Variants in DHX29 observed in about 807,000 individuals in gnomAD.
The protein encoded by DHX29 is DExH-box helicase 29.
Under a neutral mutation model 167.9 loss-of-function variants are expected in DHX29, and 79 were observed. That is an observed-to-expected ratio of 0.47 (90% CI 0.39 to 0.57). The LOEUF is 0.57. DHX29 is among the 20% of genes least tolerant of loss of function. DHX29 has a pLI of 0.00. For synonymous variants in DHX29, 530 were observed against 546.0 expected (o/e 0.97, Z 0.41); for missense variants, 1,347 against 1,593.4 (o/e 0.85, Z 2.63).
chr5:55,269,208 C>T (rs1036456346), intron 21 of DHX29, among the ~76,000 whole-genome samples: 8 of 148,790 alleles, frequency 5.4e-5, no homozygotes, highest in Non-Finnish European at 8.9e-5. Flanking sequence ...TGCACCATTG[C>T]TCCCCAGCCT....
In DHX29 at chr5:55,272,124, C is replaced by CA. The variant is rs745885177; in HGVS notation, c.2826dup (p.Val943CysfsTer5). On this transcript the variant is annotated frameshift_variant, in exon 18 of 27. Coordinates refer to ENST00000251636, the MANE Select transcript of DHX29 (RefSeq NM_019030.4). LOFTEE classifies it high-confidence loss of function. ...GTTCTTCCAGTATCAATTACAAATA[C>CA]AACATCAGGAATAGTGATACCCGTC... 1 of 1,581,942 alleles carries CA rather than the reference C, an allele frequency of 6.3e-7. No individual in the cohort carries two copies. Among genetic ancestry groups the CA allele is most frequent in the Admixed American group, 1.9e-5 (1 of 53,884 alleles).
Position 55,262,950 on chromosome 5 carries a change from A to G in DHX29, c.3526-18T>C. Reference sequence around the variant, plus strand: ...TTTACATCCTAGATTGGTTTATGTTAAAAACACAAATAATCAAATTGATTA... The same window carrying G: ...TTTACATCCTAGATTGGTTTATGTTGAAAACACAAATAATCAAATTGATTA... On this transcript the variant is annotated intron_variant, in intron 23 of 26. Transcript: ENST00000251636. The G allele has an allele frequency of 1.3e-6, 2 of 1,555,562 alleles. No individual in the cohort carries two copies. The highest frequency in any genetic ancestry group is 1.8e-6 in the Non-Finnish European group (2 of 1,135,732).
At chr5:55,270,760 G>A in intron 18 of DHX29, 54 bp from the exon 19 acceptor site, 2 of 1,427,350 alleles carry the variant, frequency 1.4e-6, no homozygotes, top group Non-Finnish European at 2.0e-6. Context: ...AGTCAAAATT[G>A]GAAAAAGCTG....
In DHX29 at chr5:55,294,058, C is replaced by G. The variant is rs780399238; in HGVS notation, c.739G>C (p.Glu247Gln). The G allele has an allele frequency of 9.9e-6, 16 of 1,608,734 alleles. No individual in the cohort carries two copies. The Middle Eastern group carries it at 5.2e-4, about 53-fold the overall frequency. The change falls in exon 6 of 27, where the codon GAG becomes CAG. Residue 247 changes from glutamate to glutamine, a missense_variant. Physicochemically the swap from Glu to Gln is conservative, Grantham distance 29. Coordinates refer to ENST00000251636, the MANE Select transcript of DHX29 (RefSeq NM_019030.4). Reference sequence around the variant, plus strand: ...TCCTCTTCTAAACTTTTAGAATTCTCATTCTTTTCTTCTTCATTTTGTTGT... The same window carrying G: ...TCCTCTTCTAAACTTTTAGAATTCTGATTCTTTTCTTCTTCATTTTGTTGT... Reference protein sequence around the residue: ...AEQQNEEEKNENSKSLEEEEK... With the variant: ...AEQQNEEEKNQNSKSLEEEEK...
chr5:55,287,356 G>A (rs1448435744), intron 8 of DHX29, among the ~76,000 whole-genome samples: 2 of 152,000 alleles, frequency 1.3e-5, no homozygotes, highest in Non-Finnish European at 2.9e-5. Context: ...CAGGAGAATC[G>A]CTTGAACCTG....
chr5:55,289,239 T>TTACA, intron 8 of DHX29, 31 bp downstream of exon 8: 1 of 1,504,302 alleles, frequency 6.6e-7, no homozygotes. Flanking sequence ...TATTTACAAA[T>TTACA]TACACCCTGA....
intron 2 of DHX29, 100 bp downstream of exon 2, chr5:55,298,491 T>A (rs1458344071): frequency 1.4e-6 from 1 of 697,574 alleles, no homozygotes. Flanking sequence ...TACAAAAATT[T>A]AAAACACCCC....
At chr5:55,285,191 G>A (rs1411025367) in intron 10 of DHX29, 102 bp downstream of exon 10, 2 of 1,489,466 alleles carry the variant, frequency 1.3e-6, no homozygotes, top group Non-Finnish European at 1.8e-6. Flanking sequence ...TAGGAATAAT[G>A]AGAAAGGATT....
chr5:55,303,109 T>TA (rs70992778), intron 1 of DHX29, among the ~76,000 whole-genome samples: 9,298 of 147,064 alleles, frequency 0.063, 494 homozygotes, highest in African/African-American at 0.13. Context: ...CTCAGCTAAT[T>TA]AAAAAAAAAA....
At chr5:55,290,529 T>G (rs1296694767) in intron 6 of DHX29, among the ~76,000 whole-genome samples, 185 bp from the exon 7 acceptor site, 28 of 152,194 alleles carry the variant, frequency 1.8e-4, no homozygotes, top group Admixed American at 1.7e-3. Context: ...TGCATAGATG[T>G]TTGGTGAGGC....
At chr5:55,282,477 CCAGA>C (rs1561153758) in intron 11 of DHX29, among the ~76,000 whole-genome samples, 2 of 152,024 alleles carry the variant, frequency 1.3e-5, no homozygotes, top group Admixed American at 6.6e-5. Context: ...TGACAGAAAC[CCAGA>C]CAATTTGCTA....
chr5:55,292,718 A>C (rs949304874), intron 6 of DHX29, among the ~76,000 whole-genome samples: 32 of 151,970 alleles, frequency 2.1e-4, no homozygotes, highest in African/African-American at 7.0e-4. Context: ...ATGCTCATCC[A>C]TTTTTTACTA....
chr5:55,261,489 G>A lies in DHX29; in HGVS notation c.3839C>T (p.Ala1280Val). 6.4e-7 allele frequency: 1 copy of A among 1,569,286 alleles called. No individual in the cohort carries two copies. Among genetic ancestry groups the A allele is most frequent in the South Asian group, 1.1e-5 (1 of 88,886 alleles). Residue 1280 changes from alanine (A) to valine (V), a missense_variant, in exon 25 of 27, where the codon GCC becomes GTC. By Grantham distance (64) the Ala-to-Val change is moderately conservative (BLOSUM62 0). Around this residue, in one of 3 missense-constraint regions of DHX29, gnomAD observed 882 missense variants for 1,082.4 expected, o/e 0.81. Coordinates refer to ENST00000251636, the MANE Select transcript of DHX29 (RefSeq NM_019030.4). ...GGTAGTTTCTCTCAAATACACTCTG[G>A]CATACCTTATCTACATGGGAAAAAG... is the stretch of plus-strand genomic sequence containing the variant. ...WLLYQEKIRY[A>V]RVYLRETTLI...
intron 5 of DHX29, among the ~76,000 whole-genome samples, chr5:55,294,460 G>A (rs1261826491): frequency 6.6e-6 from 1 of 152,292 alleles, no homozygotes; most frequent in East Asian, 1.9e-4. Context: ...GGATCACAAG[G>A]TCAGGAGATA....
rs1360005002 is a variant in DHX29 at position 55,292,483 on chromosome 5, TC to T, written c.780+1533del. On this transcript the variant is annotated intron_variant, in intron 6 of 26. Coordinates refer to ENST00000251636, the MANE Select transcript of DHX29 (RefSeq NM_019030.4). ...CTACCATAATGGCCTCCCTACCCTT[TC>T]CAAATTGCTCTAAACATCACTCAAT... Among the ~76,000 whole-genome samples the T allele has an allele frequency of 3.9e-5, 6 of 152,152 alleles. No homozygotes were observed. The South Asian group carries it at 1.2e-3, about 32-fold the overall frequency.
intron 24 of DHX29, among the ~76,000 whole-genome samples, chr5:55,262,104 T>A (rs1186904312): frequency 6.6e-6 from 1 of 152,162 alleles, no homozygotes; most frequent in African/African-American, 2.4e-5. Flanking sequence ...GAAAATGCCA[T>A]CTTAACCTTT....
Position 55,277,282 on chromosome 5 carries a change from C to T in DHX29, c.2110G>A (p.Val704Ile). 6.3e-7 allele frequency: 1 copy of T among 1,583,244 alleles called. No homozygotes were observed. Among genetic ancestry groups the T allele is most frequent in the Non-Finnish European group, 8.6e-7 (1 of 1,164,012 alleles). The part of the protein sequence containing the change: ...SNVSHVIVDE[V>I]HERSVQSDFL... ...TCTGACTGGACACTTCTTTCATGAA[C>T]CTAGTTTTAAAAAGGGAATAAAAAA... The change falls in exon 13 of 27, where the codon GTT (valine) becomes ATT (isoleucine). Residue 704 changes from valine to isoleucine, a missense_variant and splice_region_variant. By Grantham distance (29) the Val-to-Ile change is conservative (BLOSUM62 3). Coordinates refer to ENST00000251636, the MANE Select transcript of DHX29 (RefSeq NM_019030.4).
intron 23 of DHX29, among the ~76,000 whole-genome samples, chr5:55,266,085 T>A (rs1412496348): frequency 6.6e-6 from 1 of 151,976 alleles, no homozygotes; most frequent in Non-Finnish European, 1.5e-5. Context: ...TTGCAACCTC[T>A]GCCTCCCGGG....
chr5:55,260,519 T>C (rs938851003), intron 25 of DHX29, among the ~76,000 whole-genome samples: 71 of 147,968 alleles, frequency 4.8e-4, no homozygotes, highest in African/African-American at 1.6e-3. Context: ...GCATGAGCCA[T>C]GGCACCCGGC....
Sources: gnomAD v4.1 joint callset for allele counts (sites outside exome capture counted in the v4.1 genomes callset) on GRCh38, gnomAD v4.1.1 for gene constraint, gnomAD v4.1.1 regional missense constraint, MANE v1.5 for transcripts, NCBI Gene and HGNC (gene_info 2026-07-23, HGNC 2026-07-21) for gene names.